The following PARPBP variants were observed in gnomAD, a reference collection of about 807,000 sequenced individuals.
PARPBP encodes PCNA-interacting partner.
PARPBP carries 52 observed loss-of-function variants against 50.0 expected under a neutral mutation model. The observed-to-expected ratio is 1.04, with a 90% CI of 0.83 to 1.31. The LOEUF (loss-of-function observed/expected upper bound fraction) is 1.31. Among genes scored for constraint, PARPBP ranks in the 50% most tolerant of loss-of-function variants. The pLI, the probability that PARPBP is intolerant of heterozygous loss-of-function variation, is 0.00. For synonymous variants in PARPBP, 244 were observed against 232.1 expected, an observed-to-expected ratio of 1.05 and a Z score of -0.47; for missense variants, 697 against 672.0, an observed-to-expected ratio of 1.04 and a Z score of -0.41.
intron 4 of PARPBP, among the ~76,000 whole-genome samples, chr12:102,159,243 G>T (rs1341432872): frequency 6.6e-6 from 1 of 151,904 alleles, no homozygotes; most frequent in African/African-American, 2.4e-5. Context: ...CAATTCTCCT[G>T]CCTTAGCCTC....
chr12:102,164,591 CA>C lies in PARPBP; in HGVS notation c.652del (p.Met218CysfsTer14). ...TTTGAAACATGCTGCTCGAGAGAAA[CA>C]AATGTCTATCTTTTTGGTATGGTTG... is the stretch of plus-strand genomic sequence containing the variant. ...TDLKHAAREK[Q>X]MSIFLVATSF... On this transcript the variant is annotated frameshift_variant, in exon 5 of 11. Transcript: ENST00000327680. LOFTEE classifies it high-confidence loss of function. 6.2e-7 allele frequency: 1 copy of C among 1,613,302 alleles called. No homozygotes were observed. Among genetic ancestry groups the C allele is most frequent in the Non-Finnish European group, 8.5e-7 (1 of 1,179,482 alleles).
intron 6 of PARPBP, among the ~76,000 whole-genome samples, chr12:102,167,605 T>G (rs1888278352): frequency 6.6e-6 from 1 of 152,162 alleles, no homozygotes; most frequent in Non-Finnish European, 1.5e-5. Context: ...TAACTTTAGA[T>G]CTTTTCTTTG....
intron 9 of PARPBP, among the ~76,000 whole-genome samples, chr12:102,193,158 G>C (rs2137464236): frequency 6.6e-6 from 1 of 151,896 alleles, no homozygotes; most frequent in East Asian, 1.9e-4. Flanking sequence ...AGGAAATCTA[G>C]TTGTAAGGAG....
intron 3 of PARPBP, chr12:102,148,716 A>G (rs1885771355): frequency 3.3e-6 from 1 of 304,970 alleles, no homozygotes; most frequent in Admixed American, 5.0e-5. Context: ...AAAATCCCTA[A>G]CAAAGAAATT....
At chr12:102,124,703 G>A (rs1881694744) in intron 2 of PARPBP, among the ~76,000 whole-genome samples, 1 of 152,218 alleles carries the variant, frequency 6.6e-6, no homozygotes, top group Non-Finnish European at 1.5e-5. Context: ...ACTTGGCAAA[G>A]ATACTGGCTT....
chr12:102,153,817 T>C (rs1439973509), intron 3 of PARPBP, 52 bp from the exon 4 acceptor site: 1 of 962,370 alleles, frequency 1.0e-6, no homozygotes, highest in East Asian at 2.4e-5. Context: ...ATGTGAAGTA[T>C]TTTTTATAGT....
chr12:102,164,707 T>A, intron 5 of PARPBP, 99 bp downstream of exon 5: 1 of 920,230 alleles, frequency 1.1e-6, no homozygotes, highest in Non-Finnish European at 1.8e-6. Context: ...TTTAAGTGGT[T>A]AATTTATGTT....
Position 102,120,278 on chromosome 12 carries a change from C to T in PARPBP, c.-12C>T, listed in dbSNP as rs1880783270. On this transcript the variant is annotated 5_prime_UTR_variant, in exon 1 of 11. Transcript: ENST00000327680. ...TGAAGAGTACGTCTTCGGGTCTACCCCTAATCACGTAAGTCTCGCGTCTGC... is the reference window on the plus strand; with the variant it reads ...TGAAGAGTACGTCTTCGGGTCTACCTCTAATCACGTAAGTCTCGCGTCTGC... 3 of 336,740 alleles carry T rather than the reference C, an allele frequency of 8.9e-6. No individual in the cohort carries two copies. The highest frequency in any genetic ancestry group is 2.1e-5 in the South Asian group (1 of 47,272). 20.9% of individuals were successfully genotyped at this position (336,740 alleles called of 1,614,324 possible).
chr12:102,143,040 C>T (rs1277697848), intron 2 of PARPBP, among the ~76,000 whole-genome samples: 1 of 152,202 alleles, frequency 6.6e-6, no homozygotes, highest in Admixed American at 6.5e-5. Flanking sequence ...ATGTTTAAGT[C>T]TGCAGAAGTT....
Position 102,148,463 on chromosome 12 carries a change from T to A in PARPBP, c.387T>A (p.Pro129=). ...GTGAAAATTATAACACAGTATCTCC[T>A]GTAAGTATTTTTTAAACAATTCTAT... ...SNCENYNTVS[P]SQLLDFLSGK... The change falls in exon 3 of 11, where the codon CCT becomes CCA. Residue 129 remains proline, a splice_region_variant and synonymous_variant. Coordinates refer to ENST00000327680, the MANE Select transcript of PARPBP (RefSeq NM_017915.5). 8.6e-7 allele frequency: 1 copy of A among 1,156,770 alleles called. No homozygotes were observed. Among genetic ancestry groups the A allele is most frequent in the African/African-American group, 1.5e-5 (1 of 64,708 alleles). 71.7% of individuals were successfully genotyped at this position (1,156,770 alleles called of 1,614,324 possible). A position where few individuals can be genotyped will look rare whatever the true frequency, so the allele number is the denominator to read the frequency against.
intron 2 of PARPBP, among the ~76,000 whole-genome samples, chr12:102,130,100 C>T (rs1196401784): frequency 6.6e-6 from 1 of 152,152 alleles, no homozygotes; most frequent in Non-Finnish European, 1.5e-5. Flanking sequence ...ACACCAACAA[C>T]CATCTGATCT....
intron 2 of PARPBP, among the ~76,000 whole-genome samples, chr12:102,131,002 A>G (rs1356547715): frequency 1.3e-5 from 2 of 152,206 alleles, no homozygotes; most frequent in East Asian, 1.9e-4. Flanking sequence ...CCACAATAAG[A>G]TATCATCTCA....
chr12:102,181,962 A>G (rs1889865298), intron 8 of PARPBP, among the ~76,000 whole-genome samples: 1 of 152,098 alleles, frequency 6.6e-6, no homozygotes, highest in Non-Finnish European at 1.5e-5. Context: ...TAACGGCACT[A>G]ATCCTGTTCA....
At chr12:102,141,814 C>T (rs191740060) in intron 2 of PARPBP, among the ~76,000 whole-genome samples, 175 of 152,232 alleles carry the variant, frequency 1.1e-3, no homozygotes, top group Admixed American at 2.2e-3. Flanking sequence ...AATATTGGCC[C>T]CCACTGTCTT....
chr12:102,186,945 A>G (rs1890356097), intron 9 of PARPBP, among the ~76,000 whole-genome samples: 1 of 152,170 alleles, frequency 6.6e-6, no homozygotes, highest in Admixed American at 6.6e-5. Context: ...TAGTAGTCCA[A>G]TGCCTATGGT....
intron 4 of PARPBP, among the ~76,000 whole-genome samples, 175 bp downstream of exon 4, chr12:102,154,151 A>AAG (rs1886578670): frequency 6.6e-6 from 1 of 152,222 alleles, no homozygotes; most frequent in South Asian, 2.1e-4. Context: ...AATGTGATAA[A>AAG]AGAGTCTTTA....
chr12:102,190,126 G>A (rs1266655288), intron 9 of PARPBP, among the ~76,000 whole-genome samples: 1 of 151,924 alleles, frequency 6.6e-6, no homozygotes, highest in African/African-American at 2.4e-5. Context: ...ATTTTTATGG[G>A]GTACATGTGG....
At chr12:102,166,445 G>A (rs1002304677) in intron 6 of PARPBP, among the ~76,000 whole-genome samples, 3 of 152,024 alleles carry the variant, frequency 2.0e-5, no homozygotes, top group East Asian at 1.9e-4. Context: ...TGTAATGCTA[G>A]CAATCATGGT....
At chr12:102,121,290 G>C (rs1157143416) in intron 1 of PARPBP, among the ~76,000 whole-genome samples, 1 of 151,956 alleles carries the variant, frequency 6.6e-6, no homozygotes, top group Non-Finnish European at 1.5e-5. Context: ...ATATGGTTGG[G>C]GGAAAAAATG....
Sources: gnomAD v4.1 joint callset for allele counts (sites outside exome capture counted in the v4.1 genomes callset) on GRCh38, gnomAD v4.1.1 for gene constraint, MANE v1.5 for transcripts, NCBI Gene and HGNC (gene_info 2026-07-23, HGNC 2026-07-21) for gene names.